PLXNA2: variants seen among roughly 807,000 people sequenced by gnomAD.
PLXNA2 encodes the protein plexin A2, also known as plexin-A2.
A neutral mutation model predicts 193.5 loss-of-function variants in PLXNA2; 91 were observed. The ratio of observed to expected loss-of-function variants is 0.47; its 90% CI spans 0.40 to 0.56. PLXNA2 has a LOEUF of 0.56. Among genes scored for constraint, PLXNA2 ranks in the 20% least tolerant of loss-of-function variants. PLXNA2 has a pLI of 0.00. For synonymous variants in PLXNA2, 997 were observed against 1,027.3 expected (o/e 0.97, Z 0.56); for missense variants, 1,995 against 2,503.2 (o/e 0.80, Z 4.33).
In PLXNA2 at chr1:208,038,285, T is replaced by C. The variant is rs543658343; in HGVS notation, c.4764+86A>G. The C allele has an allele frequency of 2.2e-6, 2 of 919,482 alleles. No individual in the cohort carries two copies. The highest frequency in any genetic ancestry group is 1.6e-5 in the African/African-American group (1 of 61,878). The allele number at this position is 919,482 out of a possible 1,614,324, so 57.0% of individuals were successfully genotyped here. On this transcript the variant is annotated intron_variant, in intron 26 of 31. Coordinates refer to ENST00000367033, the MANE Select transcript of PLXNA2 (RefSeq NM_025179.4). This position sits in a 1 kb window ranked among gnomAD's most constrained non-coding sequence, Gnocchi z 4.1. ...GGAAAGCAGGGAGAGGAAAATCCTTTTTAGACTTTTGAGGCCTTAGAGCAA... is the reference window on the plus strand; with the variant it reads ...GGAAAGCAGGGAGAGGAAAATCCTTCTTAGACTTTTGAGGCCTTAGAGCAA...
chr1:208,111,466 A>G (rs1052602868), intron 4 of PLXNA2, among the ~76,000 whole-genome samples: 10 of 152,164 alleles, frequency 6.6e-5, no homozygotes, highest in Admixed American at 4.6e-4. Flanking sequence ...AATGTCACCA[A>G]GCCCTCTGTT....
chr1:208,217,932 G>C lies in PLXNA2; in HGVS notation c.-10C>G, dbSNP rs1422237165. The C allele has an allele frequency of 1.2e-6, 2 of 1,606,220 alleles. No homozygotes were observed. The highest frequency in any genetic ancestry group is 1.7e-6 in the Non-Finnish European group (2 of 1,179,780). On this transcript the variant is annotated 5_prime_UTR_variant, in exon 2 of 32. Coordinates refer to ENST00000367033, the MANE Select transcript of PLXNA2 (RefSeq NM_025179.4). The surrounding 1 kb of genome is among the most constrained non-coding windows in gnomAD (Gnocchi z 4.7). ...GCCGCCTCTGTTCCATGCTGAGAGG[G>C]GCGGCGGTGAGGAGACGGCTCCTGT...
intron 3 of PLXNA2, among the ~76,000 whole-genome samples, chr1:208,165,536 C>T (rs1669272777): frequency 6.6e-6 from 1 of 152,174 alleles, no homozygotes; most frequent in Non-Finnish European, 1.5e-5. Context: ...TCCATTCTCT[C>T]CACGATTTTG....
Position 208,203,370 on chromosome 1 carries a change from T to C in PLXNA2, c.1371+6910A>G, listed in dbSNP as rs186797375. On this transcript the variant is annotated intron_variant, in intron 3 of 31. Coordinates refer to ENST00000367033, the MANE Select transcript of PLXNA2 (RefSeq NM_025179.4). ...CTCCCCACCACCCCAGTGTCCAGCA[T>C]TGCTGAGACGCCTGGGCGAGTTAGG... is the stretch of plus-strand genomic sequence containing the variant. 6.3e-4 allele frequency among the ~76,000 whole-genome samples: 96 copies of C among 152,286 alleles called. No homozygotes were observed. In the Middle Eastern group the frequency reaches 0.01, roughly 16 times the overall value.
chr1:208,064,470 C>T (rs1450775242), intron 12 of PLXNA2, among the ~76,000 whole-genome samples: 2 of 152,234 alleles, frequency 1.3e-5, no homozygotes. Context: ...ATCCTTCATG[C>T]CCTGCCCTAT....
At chr1:208,237,807 G>C (rs1393600460) in intron 1 of PLXNA2, among the ~76,000 whole-genome samples, 1 of 152,136 alleles carries the variant, frequency 6.6e-6, no homozygotes, top group Non-Finnish European at 1.5e-5. Flanking sequence ...GTATTTGGGG[G>C]TACTTGGCTA....
At chr1:208,226,594 C>T (rs1457940947) in intron 1 of PLXNA2, among the ~76,000 whole-genome samples, 1 of 152,160 alleles carries the variant, frequency 6.6e-6, no homozygotes, top group East Asian at 1.9e-4. Flanking sequence ...AGATTCATTA[C>T]CCTGGGGCCG....
At chr1:208,049,426 G>T (rs1289580614) in intron 17 of PLXNA2, among the ~76,000 whole-genome samples, 1 of 151,810 alleles carries the variant, frequency 6.6e-6, no homozygotes, top group East Asian at 1.9e-4. Flanking sequence ...GTCTGGAAAT[G>T]GAGTGGGGGC....
At chr1:208,067,489 C>A (rs112286995) in intron 12 of PLXNA2, among the ~76,000 whole-genome samples, 1,623 of 152,246 alleles carry the variant, frequency 0.011, 29 homozygotes, top group African/African-American at 0.035. Context: ...CCTTCACATT[C>A]ACTCACCACT....
At chr1:208,168,137 G>C (rs1669367487) in intron 3 of PLXNA2, among the ~76,000 whole-genome samples, 1 of 152,160 alleles carries the variant, frequency 6.6e-6, no homozygotes, top group Non-Finnish European at 1.5e-5. Context: ...TGGAAAGTAG[G>C]GACAGCGATA....
intron 1 of PLXNA2, among the ~76,000 whole-genome samples, chr1:208,225,711 T>C (rs1319793534): frequency 6.6e-6 from 1 of 151,960 alleles, no homozygotes; most frequent in African/African-American, 2.4e-5. Flanking sequence ...AAGGGGGAAA[T>C]GTGGAGCCTG....
At chr1:208,177,981 A>T (rs1669711436) in intron 3 of PLXNA2, among the ~76,000 whole-genome samples, 1 of 152,232 alleles carries the variant, frequency 6.6e-6, no homozygotes, top group South Asian at 2.1e-4. Flanking sequence ...TTACTGCAAA[A>T]CAGGGGCCTT....
At chr1:208,078,263 T>C (rs1305163042) in intron 12 of PLXNA2, among the ~76,000 whole-genome samples, 2 of 152,210 alleles carry the variant, frequency 1.3e-5, no homozygotes, top group African/African-American at 4.8e-5. Context: ...AACCTATCTG[T>C]AGGTTAGCAG....
intron 8 of PLXNA2, among the ~76,000 whole-genome samples, chr1:208,093,311 A>G (rs1666773279): frequency 5.9e-5 from 9 of 152,214 alleles, no homozygotes; most frequent in Admixed American, 5.9e-4. Context: ...ACAGTTCCCA[A>G]TATTTCACTG....
chr1:208,113,304 C>T (rs572434196), intron 4 of PLXNA2, among the ~76,000 whole-genome samples: 1 of 152,312 alleles, frequency 6.6e-6, no homozygotes, highest in African/African-American at 2.4e-5. Flanking sequence ...CTACTCATTC[C>T]TACTCATTCA....
At position 208,216,785 on chromosome 1, in the gene PLXNA2, T is replaced by A; in HGVS notation, c.1138A>T (p.Asn380Tyr). ...CCCAGCAGCCAGTTGAGCTCCAGGT[T>A]GCCCTCGCCCTGGTAGCAGGACTGC... ...RLQSCYQGEGNLELNWLLGKD... is the reference protein window; with the variant it reads ...RLQSCYQGEGYLELNWLLGKD... Residue 380 changes from asparagine (N) to tyrosine (Y), a missense_variant, in exon 2 of 32, where the codon AAC becomes TAC. Asn to Tyr is a moderately radical substitution (Grantham distance 143, BLOSUM62 -2). Coordinates refer to ENST00000367033, the MANE Select transcript of PLXNA2 (RefSeq NM_025179.4). 1 of 1,614,100 alleles carries A rather than the reference T, an allele frequency of 6.2e-7. No homozygotes were observed. Among genetic ancestry groups the A allele is most frequent in the Non-Finnish European group, 8.5e-7 (1 of 1,180,042 alleles).
intron 17 of PLXNA2, among the ~76,000 whole-genome samples, chr1:208,050,379 T>A (rs1259467275): frequency 6.6e-6 from 1 of 152,226 alleles, no homozygotes; most frequent in Non-Finnish European, 1.5e-5. Flanking sequence ...GAGCCAGAAT[T>A]TCTCCAACCA....
chr1:208,230,256 C>G (rs1340843146), intron 1 of PLXNA2: 1 of 152,234 alleles, frequency 6.6e-6, no homozygotes, highest in South Asian at 2.1e-4. Flanking sequence ...GCAGCAGAAC[C>G]TGGTGACCCA....
intron 4 of PLXNA2, among the ~76,000 whole-genome samples, chr1:208,106,145 G>A (rs1667265629): frequency 6.6e-6 from 1 of 151,860 alleles, no homozygotes; most frequent in Non-Finnish European, 1.5e-5. Flanking sequence ...GGGTGGAGGG[G>A]GGGTGGTCTA....
Sources: allele counts gnomAD v4.1 joint callset (sites outside exome capture counted in the v4.1 genomes callset), GRCh38; gene constraint gnomAD v4.1.1; non-coding constraint Gnocchi (gnomAD v3.1); transcripts MANE v1.5; gene names NCBI Gene and HGNC (gene_info 2026-07-23, HGNC 2026-07-21).